The following CDC123 variants were observed in gnomAD, a reference collection of about 807,000 sequenced individuals.
The protein encoded by CDC123 is translation initiation factor eIF2 assembly protein.
CDC123 carries 37 observed loss-of-function variants against 54.4 expected under a neutral mutation model. That is an observed-to-expected ratio of 0.68 (90% CI 0.52 to 0.89). The LOEUF is 0.89. CDC123 is among the 40% of genes least tolerant of loss of function. The pLI is 0.00. For missense variants in CDC123, 361 were observed against 412.1 expected (o/e 0.88, Z 1.07); for synonymous variants, 144 against 136.8 (o/e 1.05, Z -0.37).
At chr10:12,231,625 C>CA (rs368800002) in intron 7 of CDC123, among the ~76,000 whole-genome samples, 31,475 of 76,942 alleles carry the variant, frequency 0.41, 5,221 homozygotes, top group East Asian at 0.52. Context: ...AACTCCGTCT[C>CA]AAAAAAAAAA....
chr10:12,225,843 A>G (rs563189680), intron 6 of CDC123, among the ~76,000 whole-genome samples: 10 of 125,252 alleles, frequency 8.0e-5, no homozygotes, highest in African/African-American at 3.1e-4. Context: ...ACAATAGTGG[A>G]GGGAAGGTAA....
At chr10:12,240,119 T>A (rs1451044555) in intron 10 of CDC123, among the ~76,000 whole-genome samples, 1 of 152,278 alleles carries the variant, frequency 6.6e-6, no homozygotes, top group East Asian at 1.9e-4. Flanking sequence ...TTTTTAAATC[T>A]TAAAAGTGAT....
intron 4 of CDC123, among the ~76,000 whole-genome samples, chr10:12,214,763 G>A (rs1206949197): frequency 6.6e-6 from 1 of 152,002 alleles, no homozygotes; most frequent in East Asian, 1.9e-4. Context: ...ATCTTGGAAT[G>A]TGTAGTTTAG....
At chr10:12,238,331 A>T in intron 9 of CDC123, 126 bp from the exon 10 acceptor site, 1 of 1,028,744 alleles carries the variant, frequency 9.7e-7, no homozygotes, top group Admixed American at 3.3e-5. Flanking sequence ...GAGGTTTAGA[A>T]GCATGAAGTC....
At chr10:12,238,314 A>G in intron 9 of CDC123, 143 bp from the exon 10 acceptor site, 1 of 837,676 alleles carries the variant, frequency 1.2e-6, no homozygotes, top group Non-Finnish European at 1.8e-6. Context: ...TTTATGTTTG[A>G]AGTTTTGAGG....
chr10:12,206,155 C>T (rs557106824), intron 2 of CDC123, among the ~76,000 whole-genome samples: 2 of 152,292 alleles, frequency 1.3e-5, no homozygotes, highest in East Asian at 3.9e-4. Flanking sequence ...ATTTGTCATA[C>T]TTTACAGTAG....
intron 6 of CDC123, among the ~76,000 whole-genome samples, chr10:12,219,892 G>C (rs186686051): frequency 1.3e-5 from 2 of 152,126 alleles, no homozygotes; most frequent in Non-Finnish European, 2.9e-5. Flanking sequence ...GTTTCACCAC[G>C]TTAGCCAGGA....
chr10:12,196,466 T>A, intron 1 of CDC123, 147 bp downstream of exon 1: 2 of 1,087,966 alleles, frequency 1.8e-6, no homozygotes, highest in Non-Finnish European at 2.7e-6. Context: ...AGCAATTGTC[T>A]GCGTCCTGTT....
rs915328496 is a variant in CDC123 at position 12,242,949 on chromosome 10, A to T, written c.718-3200A>T. Among the ~76,000 whole-genome samples the T allele has an allele frequency of 5.3e-5, 8 of 152,118 alleles. No individual in the cohort carries two copies. The East Asian group carries it at 1.5e-3, about 29-fold the overall frequency. Reference sequence around the variant, plus strand: ...AGGGCGAGACTCTGTCTCAAAAAAAAAAAGTTATAAAATCCTGATCCTGAT... The same window carrying T: ...AGGGCGAGACTCTGTCTCAAAAAAATAAAGTTATAAAATCCTGATCCTGAT... On this transcript the variant is annotated intron_variant, in intron 10 of 12. Transcript: ENST00000281141.
chr10:12,210,164 A>G (rs1025682071), intron 3 of CDC123, 126 bp from the exon 4 acceptor site: 6 of 1,439,898 alleles, frequency 4.2e-6, no homozygotes, highest in Non-Finnish European at 4.8e-6. Context: ...ATATATTTTC[A>G]CATATGCTGT....
At chr10:12,246,497 T>C (rs985803922) in intron 11 of CDC123, 11 of 439,588 alleles carry the variant, frequency 2.5e-5, no homozygotes, top group Non-Finnish European at 4.0e-5. Flanking sequence ...TCAGTTTTTT[T>C]AGTTCTTTTT....
In CDC123 at chr10:12,237,167, C is replaced by T; in HGVS notation, c.589C>T (p.Gln197Ter). 2 of 1,563,596 alleles carry T rather than the reference C, an allele frequency of 1.3e-6. No homozygotes were observed. Among genetic ancestry groups the T allele is most frequent in the Non-Finnish European group, 8.6e-7 (1 of 1,161,192 alleles). Reference protein sequence around the residue: ...LIGISQRDYTQYYDHISKQKE... With the variant: ...LIGISQRDYT ...AGGTATTTCTCAAAGAGACTACACA[C>T]AATACTATGATCATATTTCTAAACA... Residue 197 changes from glutamine to a stop codon, truncating the protein, a stop_gained, in exon 9 of 13, where the codon CAA becomes TAA. Transcript: ENST00000281141. LOFTEE classifies it high-confidence loss of function.
At chr10:12,206,344 T>C (rs1344062658) in intron 2 of CDC123, among the ~76,000 whole-genome samples, 2 of 152,244 alleles carry the variant, frequency 1.3e-5, no homozygotes. Flanking sequence ...TAATGTTGCA[T>C]TTGAAAATAT....
chr10:12,249,671 C>T lies in CDC123; in HGVS notation c.937C>T (p.Leu313Phe). The change falls in exon 12 of 13, where the codon CTC becomes TTC. Residue 313 changes from leucine (L) to phenylalanine (F), a missense_variant. Transcript: ENST00000281141. ...SYRLPKDFVD[L>F]STGEDAHKLI... Reference sequence around the variant, plus strand: ...CCGGCTACCCAAGGACTTTGTAGACCTCTCTACTGGGGAGGACGCTCACAA... The same window carrying T: ...CCGGCTACCCAAGGACTTTGTAGACTTCTCTACTGGGGAGGACGCTCACAA... The T allele has an allele frequency of 1.2e-6, 2 of 1,614,186 alleles. No homozygotes were observed. Among genetic ancestry groups the T allele is most frequent in the Non-Finnish European group, 8.5e-7 (1 of 1,180,038 alleles).
intron 6 of CDC123, among the ~76,000 whole-genome samples, chr10:12,223,031 A>G (rs1245148134): frequency 6.7e-6 from 1 of 148,532 alleles, no homozygotes; most frequent in African/African-American, 2.5e-5. Context: ...AGCTGGGACT[A>G]CAGGCGCCTG....
At position 12,198,747 on chromosome 10, in the gene CDC123, C is replaced by G. The variant is rs11555899; in HGVS notation, c.117C>G (p.Leu39=). 2.5e-6 allele frequency: 4 copies of G among 1,592,358 alleles called. No individual in the cohort carries two copies. Residue 39 remains leucine (L), a synonymous_variant, in exon 2 of 13, where the codon CTC becomes CTG. Transcript: ENST00000281141. ...CTCAGAATGTGAAGGATTATTTACT[C>G]GATGATGGAACTCTGGTGGTTTCAG... ...PLPQNVKDYL[L]DDGTLVVSGR...
intron 7 of CDC123, among the ~76,000 whole-genome samples, chr10:12,234,214 C>A (rs1835945604): frequency 6.6e-6 from 1 of 152,216 alleles, no homozygotes; most frequent in Admixed American, 6.5e-5. Context: ...CCTGCCTCAG[C>A]CTCCTTAGTA....
At chr10:12,224,954 T>A (rs1439410467) in intron 6 of CDC123, among the ~76,000 whole-genome samples, 4 of 152,150 alleles carry the variant, frequency 2.6e-5, no homozygotes, top group Admixed American at 2.6e-4. Flanking sequence ...AGTTTGATGC[T>A]TCCTTCCTTT....
intron 7 of CDC123, among the ~76,000 whole-genome samples, chr10:12,232,842 G>GGCGCCATCTCCGGTTC (rs1835919601): frequency 6.6e-6 from 1 of 151,138 alleles, no homozygotes; most frequent in South Asian, 2.1e-4. Context: ...GGAGTGCAGT[G>GGCGCCATCTCCGGTTC]GCGCCATCTC....
Sources: allele counts gnomAD v4.1 joint callset (sites outside exome capture counted in the v4.1 genomes callset), GRCh38; gene constraint gnomAD v4.1.1; transcripts MANE v1.5; gene names NCBI Gene and HGNC (gene_info 2026-07-23, HGNC 2026-07-21).